Variants in ACSF3 observed in about 807,000 individuals in gnomAD.
ACSF3 encodes the protein acyl-CoA synthetase family member 3.
ACSF3 carries 78 observed loss-of-function variants against 53.2 expected under a neutral mutation model. The ratio of observed to expected loss-of-function variants is 1.47; its 90% CI spans 1.22 to 1.77. The LOEUF is 1.77. ACSF3 is among the 40% of genes most tolerant of loss of function. ACSF3 has a pLI of 0.00. For missense variants in ACSF3, 937 were observed against 771.1 expected (o/e 1.22, Z -2.55); for synonymous variants, 414 against 333.1 (o/e 1.24, Z -2.65).
At chr16:89,121,036 T>C in intron 7 of ACSF3, 123 bp downstream of exon 7, 1 of 846,696 alleles carries the variant, frequency 1.2e-6, no homozygotes, top group South Asian at 1.6e-5. Flanking sequence ...ACCAGCCCCC[T>C]GGACACTGCA....
intron 4 of ACSF3, among the ~76,000 whole-genome samples, chr16:89,106,143 G>A (rs753902022): frequency 2.0e-5 from 3 of 152,220 alleles, no homozygotes; most frequent in Non-Finnish European, 4.4e-5. Context: ...GTCTCTGCCT[G>A]GGGATCTGCT....
chr16:89,136,666 G>A lies in ACSF3; in HGVS notation c.1366+3404G>A, dbSNP rs1018643031. The A allele has an allele frequency of 8.5e-5, 110 of 1,287,054 alleles. 1 individual carries two copies. In the Admixed American group the frequency reaches 2.0e-3, roughly 23 times the overall value. The allele number at this position is 1,287,054 out of a possible 1,614,324, so 79.7% of individuals were successfully genotyped here. A position where few individuals can be genotyped will look rare whatever the true frequency, so the allele number is the denominator to read the frequency against. Reference sequence around the variant, plus strand: ...CTGCAGCTCCCCAACGGCCTCCTCCGGGTCAGGATGAGAGGAGAGGTTGCC... The same window carrying A: ...CTGCAGCTCCCCAACGGCCTCCTCCAGGTCAGGATGAGAGGAGAGGTTGCC... On this transcript the variant is annotated intron_variant, in intron 8 of 10. Transcript: ENST00000614302.
At position 89,145,451 on chromosome 16, in the gene ACSF3, T is replaced by G. The variant is rs371487636; in HGVS notation, c.1501+50T>G. 4.4e-6 allele frequency: 7 copies of G among 1,608,058 alleles called. No individual in the cohort carries two copies. The African/African-American group carries it at 9.4e-5, about 21-fold the overall frequency. ...GAGGCCAGGCTAGACGGGTGCTGCC[T>G]TCCATGTTTGAGTTTTAGACGACTG... is the stretch of plus-strand genomic sequence containing the variant. On this transcript the variant is annotated intron_variant, in intron 9 of 10. Coordinates refer to ENST00000614302, the MANE Select transcript of ACSF3 (RefSeq NM_001243279.3).
At chr16:89,123,544 G>T (rs986409420) in intron 7 of ACSF3, among the ~76,000 whole-genome samples, 2 of 152,162 alleles carry the variant, frequency 1.3e-5, no homozygotes, top group Admixed American at 1.3e-4. Flanking sequence ...CTGTGCCGAG[G>T]CGTGGGTCCC....
At chr16:89,147,628 AACTC>A (rs1416242575) in intron 10 of ACSF3, 6 of 150,284 alleles carry the variant, frequency 4.0e-5, no homozygotes, top group Admixed American at 2.7e-4. Flanking sequence ...GTCTTGTGAG[AACTC>A]ACTCACTAGC....
chr16:89,111,246 G>C (rs1370506916), intron 4 of ACSF3, among the ~76,000 whole-genome samples: 2 of 152,230 alleles, frequency 1.3e-5, no homozygotes, highest in Admixed American at 6.5e-5. Flanking sequence ...TCCAGTCTTT[G>C]TCTTTGAAAG....
intron 10 of ACSF3, chr16:89,150,907 G>A (rs1913967257): frequency 9.6e-7 from 1 of 1,043,490 alleles, no homozygotes. Flanking sequence ...GGAGGCAGGA[G>A]GAAGTAAGTT....
At chr16:89,095,931 T>G (rs891239851) in intron 1 of ACSF3, among the ~76,000 whole-genome samples, 2 of 152,154 alleles carry the variant, frequency 1.3e-5, no homozygotes, top group Non-Finnish European at 1.5e-5. Context: ...AACTCTGCCA[T>G]TAACCAGCAC....
At chr16:89,127,041 C>A (rs1035559193) in intron 7 of ACSF3, among the ~76,000 whole-genome samples, 1 of 152,238 alleles carries the variant, frequency 6.6e-6, no homozygotes, top group South Asian at 2.1e-4. Flanking sequence ...TTACATTGAA[C>A]CAAGCTTTCA....
At chr16:89,095,901 A>C (rs1453097273) in intron 1 of ACSF3, among the ~76,000 whole-genome samples, 2 of 152,192 alleles carry the variant, frequency 1.3e-5, no homozygotes, top group African/African-American at 4.8e-5. Context: ...CAGCCGTTCA[A>C]GTCGAAGCCT....
intron 8 of ACSF3, chr16:89,141,056 G>T (rs1911652671): frequency 3.2e-6 from 4 of 1,262,558 alleles, no homozygotes; most frequent in Non-Finnish European, 4.1e-6. Flanking sequence ...TGTTTGACTT[G>T]CATTTCACAG....
At chr16:89,122,656 G>T (rs118175289) in intron 7 of ACSF3, 1 of 174,030 alleles carries the variant, frequency 5.7e-6, no homozygotes, top group East Asian at 1.7e-4. Context: ...CGTGAGTGGC[G>T]TGTGGAGGAG....
chr16:89,099,629 A>G (rs1217530036), intron 2 of ACSF3, among the ~76,000 whole-genome samples: 1 of 152,050 alleles, frequency 6.6e-6, no homozygotes, highest in Non-Finnish European at 1.5e-5. Flanking sequence ...TAACAATACA[A>G]AAATTAGCCA....
intron 7 of ACSF3, among the ~76,000 whole-genome samples, chr16:89,124,077 GC>G (rs1907356452): frequency 8.2e-4 from 3 of 3,670 alleles, no homozygotes; most frequent in Non-Finnish European, 2.1e-3. Context: ...TCACACACAT[GC>G]CTAGTGTGCG....
In ACSF3 at chr16:89,154,228, G is replaced by T. The variant is rs1212776437; in HGVS notation, c.*21G>T. On this transcript the variant is annotated 3_prime_UTR_variant, in exon 11 of 11. Coordinates refer to ENST00000614302, the MANE Select transcript of ACSF3 (RefSeq NM_001243279.3). Reference sequence around the variant, plus strand: ...CATGACCCGGCAGACTGGGACTGCGGGTCTGGTGGGGAGCAGCAGACGTCC... The same window carrying T: ...CATGACCCGGCAGACTGGGACTGCGTGTCTGGTGGGGAGCAGCAGACGTCC... 6.2e-7 allele frequency: 1 copy of T among 1,608,850 alleles called. No individual in the cohort carries two copies. The highest frequency in any genetic ancestry group is 1.7e-5 in the Admixed American group (1 of 59,928).
rs374451559 is a variant in ACSF3 at position 89,114,435 on chromosome 16, C to G, written c.1074C>G (p.Thr358=). 93 of 1,613,636 alleles carry G rather than the reference C, an allele frequency of 5.8e-5. No individual in the cohort carries two copies. Among genetic ancestry groups the G allele is most frequent in the Non-Finnish European group, 7.3e-5 (86 of 1,180,036 alleles). ...CCCTGCTGGAGCGGTATGGCATGACCGAGATCGGCATGGCTCTGTCCGGGC... is the reference window on the plus strand; with the variant it reads ...CCCTGCTGGAGCGGTATGGCATGACGGAGATCGGCATGGCTCTGTCCGGGC... The part of the protein sequence containing the change: ...GHTLLERYGM[T]EIGMALSGPL... Residue 358 remains threonine (T), a synonymous_variant, in exon 6 of 11, where the codon ACC becomes ACG. Transcript: ENST00000614302.
chr16:89,131,592 A>C (rs1217684080), intron 7 of ACSF3, among the ~76,000 whole-genome samples: 8 of 151,950 alleles, frequency 5.3e-5, no homozygotes, highest in Admixed American at 5.2e-4. Flanking sequence ...TCTTGTTGAC[A>C]TTCTGTGAAG....
rs755027191 is a variant in ACSF3 at position 89,120,811 on chromosome 16, G to T, written c.1137G>T (p.Gly379=). The T allele has an allele frequency of 3.1e-6, 5 of 1,613,902 alleles. No homozygotes were observed. In the African/African-American group the frequency reaches 5.3e-5, roughly 17 times the overall value. Residue 379 remains glycine (G), a synonymous_variant, in exon 7 of 11, where the codon GGG becomes GGT. Transcript: ENST00000614302. Reference sequence around the variant, plus strand: ...TCTCCTCTCCTGTAGGTTCCGTGGGGACCCCACTGCCTGGAGTACAGGTGC... The same window carrying T: ...TCTCCTCTCCTGTAGGTTCCGTGGGTACCCCACTGCCTGGAGTACAGGTGC... ...TTAVRLPGSV[G]TPLPGVQVRI...
At chr16:89,103,364 G>C (rs1488623491) in intron 4 of ACSF3, among the ~76,000 whole-genome samples, 1 of 152,236 alleles carries the variant, frequency 6.6e-6, no homozygotes, top group Non-Finnish European at 1.5e-5. Flanking sequence ...TGGTAGGGCT[G>C]CTCCGTCAGG....
Sources: gnomAD v4.1 joint callset for allele counts (sites outside exome capture counted in the v4.1 genomes callset) on GRCh38, gnomAD v4.1.1 for gene constraint, MANE v1.5 for transcripts, NCBI Gene and HGNC (gene_info 2026-07-23, HGNC 2026-07-21) for gene names.